Variants in GDI2 observed in about 807,000 individuals in gnomAD.
The protein encoded by GDI2 is GDP dissociation inhibitor 2.
GDI2 carries 22 observed loss-of-function variants against 54.2 expected under a neutral mutation model. The observed-to-expected ratio is 0.41, with a 90% CI of 0.29 to 0.58. GDI2 has a LOEUF of 0.58. Ranked by LOEUF, GDI2 falls within the 20% of genes least tolerant of loss-of-function variation. The probability of loss-of-function intolerance (pLI) is 0.35; values close to 1 mark genes in which losing one functional copy is unlikely to be tolerated. For missense variants in GDI2, 422 were observed against 546.0 expected, an observed-to-expected ratio of 0.77 and a Z score of 2.26; for synonymous variants, 177 against 182.1, an observed-to-expected ratio of 0.97 and a Z score of 0.23.
At chr10:5,775,824 G>A (rs1264402664) in intron 6 of GDI2, among the ~76,000 whole-genome samples, 3 of 152,334 alleles carry the variant, frequency 2.0e-5, no homozygotes, top group East Asian at 3.9e-4. Context: ...CCACTTGCGC[G>A]TGTGACGTCA....
chr10:5,787,419 G>A (rs28554046), intron 4 of GDI2, among the ~76,000 whole-genome samples: 100 of 152,054 alleles, frequency 6.6e-4, no homozygotes, highest in Admixed American at 2.6e-3. Context: ...CAGGAGAATC[G>A]CTTGATAAAC....
intron 1 of GDI2, among the ~76,000 whole-genome samples, chr10:5,805,684 T>G (rs550113653): frequency 6.6e-6 from 1 of 152,350 alleles, no homozygotes; most frequent in African/African-American, 2.4e-5. Flanking sequence ...CCACTGATGC[T>G]GATGAGGTGA....
At chr10:5,804,362 G>C (rs528202054) in intron 1 of GDI2, among the ~76,000 whole-genome samples, 15 of 152,194 alleles carry the variant, frequency 9.9e-5, no homozygotes, top group Non-Finnish European at 2.2e-4. Flanking sequence ...CCAAAGTGCT[G>C]GGATTACAGG....
chr10:5,769,773 C>A (rs996197255), intron 7 of GDI2, among the ~76,000 whole-genome samples: 2 of 152,180 alleles, frequency 1.3e-5, no homozygotes, highest in African/African-American at 4.8e-5. Context: ...TTCTTGTCCA[C>A]TACTGACAGG....
At chr10:5,808,404 T>C (rs1362022582) in intron 1 of GDI2, among the ~76,000 whole-genome samples, 1 of 152,092 alleles carries the variant, frequency 6.6e-6, no homozygotes, top group Non-Finnish European at 1.5e-5. Context: ...CTGGGTGCGG[T>C]GGCTCTCGCC....
intron 5 of GDI2, 44 bp downstream of exon 5, chr10:5,785,808 G>T: frequency 8.4e-7 from 1 of 1,183,638 alleles, no homozygotes; most frequent in South Asian, 1.3e-5. Context: ...GAAATTTAGT[G>T]AGAATTTCAA....
At chr10:5,801,727 T>C (rs116999743) in intron 1 of GDI2, among the ~76,000 whole-genome samples, 3,475 of 152,032 alleles carry the variant, frequency 0.023, 56 homozygotes, top group South Asian at 0.037. Context: ...AGTAACTTTA[T>C]TGGCCAGGCA....
In GDI2 at chr10:5,785,958, T is replaced by C. The variant is rs1269891905; in HGVS notation, c.481A>G (p.Ile161Val). The C allele has an allele frequency of 2.5e-6, 4 of 1,612,466 alleles. No individual in the cohort carries two copies. The highest frequency in any genetic ancestry group is 1.7e-5 in the Admixed American group (1 of 60,026). The change falls in exon 5 of 11, where the codon ATT becomes GTT. Residue 161 changes from isoleucine (I) to valine (V), a missense_variant. Physicochemically the swap from Ile to Val is conservative, Grantham distance 29. Transcript: ENST00000380191. ...DEKDPRTFEG[I>V]DPKKTTMRDV... ...CGCATTGTGGTCTTCTTAGGATCAA[T>C]GCCTTCAAAAGTTCTTGGATCTTTT...
intron 6 of GDI2, among the ~76,000 whole-genome samples, chr10:5,780,577 G>A (rs2131693162): frequency 6.6e-6 from 1 of 152,220 alleles, no homozygotes; most frequent in African/African-American, 2.4e-5. Flanking sequence ...CAAGATCATA[G>A]GATACAACGT....
chr10:5,766,089 T>C lies in GDI2; in HGVS notation c.1255A>G (p.Asn419Asp). The C allele has an allele frequency of 1.9e-6, 3 of 1,609,514 alleles. No individual in the cohort carries two copies. The highest frequency in any genetic ancestry group is 2.5e-6 in the Non-Finnish European group (3 of 1,178,252). The change falls in exon 11 of 11, where the codon AAC becomes GAC. Residue 419 changes from asparagine to aspartate, a missense_variant. Transcript: ENST00000380191. The surrounding 1 kb of genome is among the most constrained non-coding windows in gnomAD (Gnocchi z 5.8). ...GATCCTGTCATCCTCTTATAGATGT[T>C]TTTAATGTCATCACACGTTGTCTCA... ...HFETTCDDIK[N>D]IYKRMTGSEF...
chr10:5,776,290 A>G lies in GDI2; in HGVS notation c.720-2349T>C. On this transcript the variant is annotated intron_variant, in intron 6 of 10. Coordinates refer to ENST00000380191, the MANE Select transcript of GDI2 (RefSeq NM_001494.4). This position sits in a 1 kb window ranked among gnomAD's most constrained non-coding sequence, Gnocchi z 5.3. Reference sequence around the variant, plus strand: ...AAAGGGCCCAGCGTGAAAAGACTGAAAGCCCAGCAGAACATAGGATGTAGC... The same window carrying G: ...AAAGGGCCCAGCGTGAAAAGACTGAGAGCCCAGCAGAACATAGGATGTAGC... The G allele has an allele frequency of 1.8e-6, 1 of 555,368 alleles. No individual in the cohort carries two copies. The highest frequency in any genetic ancestry group is 2.0e-5 in the South Asian group (1 of 50,090). The allele number at this position is 555,368 out of a possible 1,614,324, so 34.4% of individuals were successfully genotyped here. A position where few individuals can be genotyped will look rare whatever the true frequency, so the allele number is the denominator to read the frequency against.
At chr10:5,796,930 T>C in intron 2 of GDI2, 68 bp from the exon 3 acceptor site, 1 of 744,082 alleles carries the variant, frequency 1.3e-6, no homozygotes, top group Non-Finnish European at 2.3e-6. Flanking sequence ...TATGTACATA[T>C]TTTTTATTAA....
At chr10:5,801,820 G>A (rs1841275682) in intron 1 of GDI2, among the ~76,000 whole-genome samples, 2 of 152,118 alleles carry the variant, frequency 1.3e-5, no homozygotes, top group Admixed American at 1.3e-4. Context: ...AGACCAGCCT[G>A]GGCAATACGG....
At position 5,766,965 on chromosome 10, in the gene GDI2, T is replaced by C. The variant is rs1840353743; in HGVS notation, c.992-327A>G. Among the ~76,000 whole-genome samples, 1 of 152,262 alleles carries C rather than the reference T, an allele frequency of 6.6e-6. No individual in the cohort carries two copies. Among genetic ancestry groups the C allele is most frequent in the South Asian group, 2.1e-4 (1 of 4,832 alleles). On this transcript the variant is annotated intron_variant, in intron 8 of 10. Coordinates refer to ENST00000380191, the MANE Select transcript of GDI2 (RefSeq NM_001494.4). The surrounding 1 kb of genome is among the most constrained non-coding windows in gnomAD (Gnocchi z 5.8). ...ACTATTCTGGGAGATTCTTCCATTC[T>C]GGACCTTGCATTTAGAAAGGTTCTG...
At chr10:5,778,431 T>C (rs4748916) in intron 6 of GDI2, among the ~76,000 whole-genome samples, 50,841 of 152,118 alleles carry the variant, frequency 0.33, 8,881 homozygotes, top group Non-Finnish European at 0.38. Context: ...TTTGTTAATG[T>C]GCATTTTGTT....
intron 7 of GDI2, among the ~76,000 whole-genome samples, chr10:5,771,733 G>C (rs1188517996): frequency 6.6e-6 from 1 of 152,098 alleles, no homozygotes; most frequent in African/African-American, 2.4e-5. Flanking sequence ...TGAAGTTTCA[G>C]AAACACAAAG....
At chr10:5,785,031 ATCT>A (rs2131697802) in intron 6 of GDI2, 108 bp downstream of exon 6, 1 of 624,136 alleles carries the variant, frequency 1.6e-6, no homozygotes, top group South Asian at 5.1e-5. Flanking sequence ...AATAAAAAGC[ATCT>A]TATTACTCAT....
At chr10:5,772,554 C>G (rs1034924782) in intron 7 of GDI2, among the ~76,000 whole-genome samples, 1 of 151,996 alleles carries the variant, frequency 6.6e-6, no homozygotes, top group Non-Finnish European at 1.5e-5. Flanking sequence ...GCCGGGAGTT[C>G]GAGACCAGCC....
chr10:5,809,306 T>C (rs1841442534), intron 1 of GDI2, among the ~76,000 whole-genome samples: 1 of 151,830 alleles, frequency 6.6e-6, no homozygotes. Flanking sequence ...GCTAATTATA[T>C]CACTCTCCTG....
Sources: allele counts gnomAD v4.1 joint callset (sites outside exome capture counted in the v4.1 genomes callset), GRCh38; gene constraint gnomAD v4.1.1; non-coding constraint Gnocchi (gnomAD v3.1); transcripts MANE v1.5; gene names NCBI Gene and HGNC (gene_info 2026-07-23, HGNC 2026-07-21).